The following MAF variants were observed in gnomAD, a reference collection of about 807,000 sequenced individuals.
MAF encodes the protein transcription factor Maf.
Under a neutral mutation model 22.0 loss-of-function variants are expected in MAF, and 10 were observed. That is an observed-to-expected ratio of 0.45 (90% CI 0.28 to 0.77). The LOEUF is 0.77. MAF is among the 30% of genes least tolerant of loss of function. The pLI is 0.12. For missense variants in MAF, 544 were observed against 548.4 expected (o/e 0.99, Z 0.08); for synonymous variants, 337 against 255.8 (o/e 1.32, Z -3.03).
chr16:79,416,705 G>C, the MAF span, among the ~76,000 whole-genome samples: 1 of 152,158 alleles, frequency 6.6e-6, no homozygotes, highest in African/African-American at 2.4e-5. Flanking sequence ...TTCTGTCCAA[G>C]GCCAAGAAAT....
chr16:79,367,121 T>A, the MAF span, among the ~76,000 whole-genome samples: 1 of 152,204 alleles, frequency 6.6e-6, no homozygotes, highest in Non-Finnish European at 1.5e-5. Flanking sequence ...GGTGCAAAGA[T>A]GAGCCATATA....
At chr16:79,350,500 C>T in the MAF span, among the ~76,000 whole-genome samples, 6 of 152,298 alleles carry the variant, frequency 3.9e-5, no homozygotes, top group South Asian at 2.1e-4. Flanking sequence ...CGCTGGACTA[C>T]CCTTTTCCAG....
At chr16:79,555,072 T>G in the MAF span, among the ~76,000 whole-genome samples, 2 of 152,202 alleles carry the variant, frequency 1.3e-5, no homozygotes, top group Non-Finnish European at 2.9e-5. Flanking sequence ...ACTTCCTCCC[T>G]GCTCCTCCCT....
intron 1 of MAF, chr16:79,595,880 G>T: frequency 9.4e-7 from 1 of 1,058,772 alleles, no homozygotes; most frequent in Non-Finnish European, 1.1e-6. Flanking sequence ...GTAAGGAGTG[G>T]ATTTTCTTTT....
the MAF span, among the ~76,000 whole-genome samples, chr16:79,240,744 G>C: frequency 2.6e-5 from 4 of 151,822 alleles, no homozygotes; most frequent in African/African-American, 7.2e-5. Context: ...CTTGTCTCCT[G>C]TTTGGGAGAC....
chr16:79,455,548 A>G, the MAF span, among the ~76,000 whole-genome samples: 2,217 of 152,244 alleles, frequency 0.015, 52 homozygotes, highest in African/African-American at 0.049. Flanking sequence ...AACATACCTC[A>G]AGAAGACATC....
chr16:79,518,232 C>A, the MAF span, among the ~76,000 whole-genome samples: 1 of 152,164 alleles, frequency 6.6e-6, no homozygotes, highest in African/African-American at 2.4e-5. Context: ...AGGTTTCACC[C>A]AAGGAACATG....
the MAF span, among the ~76,000 whole-genome samples, chr16:79,210,961 G>C: frequency 6.6e-6 from 1 of 152,040 alleles, no homozygotes; most frequent in Admixed American, 6.6e-5. Flanking sequence ...ATGACATTTA[G>C]AAAAAGGTTT....
the MAF span, among the ~76,000 whole-genome samples, chr16:79,229,835 C>T: frequency 9.2e-5 from 14 of 152,032 alleles, no homozygotes; most frequent in Non-Finnish European, 1.8e-4. Context: ...TCCTAAATTC[C>T]CTTCCTCGTA....
the MAF span, among the ~76,000 whole-genome samples, chr16:79,426,878 G>T: frequency 6.6e-6 from 1 of 152,196 alleles, no homozygotes; most frequent in African/African-American, 2.4e-5. Context: ...CCACAATGAA[G>T]CTGACATAAA....
At chr16:79,583,247 C>T (rs1299060888), downstream of MAF, among the ~76,000 whole-genome samples, 1 of 152,126 alleles carries the variant, frequency 6.6e-6, no homozygotes, top group East Asian at 1.9e-4. Context: ...CTTTGTTTTT[C>T]CCCAGTTCAC....
chr16:79,303,602 C>T, the MAF span, among the ~76,000 whole-genome samples: 13 of 152,252 alleles, frequency 8.5e-5, no homozygotes, highest in South Asian at 2.1e-4. Flanking sequence ...CCAGTGCCTA[C>T]GAATGGCTTC....
the MAF span, among the ~76,000 whole-genome samples, chr16:79,490,270 C>G: frequency 1.3e-5 from 2 of 152,178 alleles, no homozygotes; most frequent in Non-Finnish European, 2.9e-5. Context: ...AATCTCCCTT[C>G]GTCTTGATAG....
the MAF span, among the ~76,000 whole-genome samples, chr16:79,434,297 C>CAT: frequency 4.1e-4 from 63 of 152,336 alleles, no homozygotes; most frequent in South Asian, 0.012. Context: ...TACACACACA[C>CAT]GGTGACGTGC....
the MAF span, among the ~76,000 whole-genome samples, chr16:79,259,868 G>A: frequency 0.062 from 9,467 of 152,126 alleles, 998 homozygotes; most frequent in African/African-American, 0.22. Flanking sequence ...TGGGAAGGGG[G>A]AGTTAGGGAT....
chr16:79,529,669 T>C, the MAF span, among the ~76,000 whole-genome samples: 1 of 152,116 alleles, frequency 6.6e-6, no homozygotes. Context: ...ATGCAATAAA[T>C]ATTATTTTAG....
chr16:79,259,715 G>A, the MAF span, among the ~76,000 whole-genome samples: 1 of 152,198 alleles, frequency 6.6e-6, no homozygotes, highest in Non-Finnish European at 1.5e-5. Flanking sequence ...CAGGGGGCAG[G>A]ACTGCTGGTC....
At chr16:79,419,966 C>A in the MAF span, among the ~76,000 whole-genome samples, 1 of 151,832 alleles carries the variant, frequency 6.6e-6, no homozygotes, top group East Asian at 1.9e-4. Context: ...TGGAGTATAA[C>A]CAGTGAATTC....
intron 1 of MAF, chr16:79,595,582 T>TA: frequency 9.4e-7 from 1 of 1,059,662 alleles, no homozygotes; most frequent in East Asian, 5.2e-5. Flanking sequence ...TTGTGTCATT[T>TA]AAAAATAGGT....
Sources: gnomAD v4.1 joint callset for allele counts (sites outside exome capture counted in the v4.1 genomes callset) on GRCh38, gnomAD v4.1.1 for gene constraint, MANE v1.5 for transcripts, NCBI Gene and HGNC (gene_info 2026-07-23, HGNC 2026-07-21) for gene names.